Variants in ADAM7 observed in about 807,000 individuals in gnomAD.
The protein encoded by ADAM7 is ADAM metallopeptidase domain 7.
Under a neutral mutation model 102.9 loss-of-function variants are expected in ADAM7, and 97 were observed. The observed-to-expected ratio is 0.94, with a 90% CI of 0.80 to 1.12. The LOEUF is 1.12. Ranked by LOEUF, ADAM7 falls within the 50% of genes most tolerant of loss-of-function variation. ADAM7 has a pLI of 0.00. For synonymous variants in ADAM7, 334 were observed against 304.4 expected (o/e 1.10, Z -1.01); for missense variants, 991 against 908.7 (o/e 1.09, Z -1.16).
intron 17 of ADAM7, 90 bp downstream of exon 17, chr8:24,499,406 A>G: frequency 1.1e-6 from 1 of 944,730 alleles, no homozygotes; most frequent in Non-Finnish European, 1.5e-6. Flanking sequence ...ATGTATGTAT[A>G]TATGTATTTT....
In ADAM7 at chr8:24,475,779, T is replaced by C. The variant is rs527672535; in HGVS notation, c.634-654T>C. On this transcript the variant is annotated intron_variant, in intron 7 of 21. Coordinates refer to ENST00000175238, the MANE Select transcript of ADAM7 (RefSeq NM_003817.4). ...GCATTTATCCCTACAGGACACCTTA[T>C]GTTATTATTAAGTACATTTGATCAG... is the stretch of plus-strand genomic sequence containing the variant. 8 of 270,652 alleles carry C rather than the reference T, an allele frequency of 3.0e-5. No homozygotes were observed. The East Asian group carries it at 7.2e-4, about 25-fold the overall frequency. 16.8% of individuals were successfully genotyped at this position (270,652 alleles called of 1,614,324 possible).
chr8:24,484,391 A>G (rs1229551708), intron 9 of ADAM7, among the ~76,000 whole-genome samples: 3 of 152,188 alleles, frequency 2.0e-5, no homozygotes, highest in South Asian at 2.1e-4. Flanking sequence ...TCAACTCTAA[A>G]TAATATTCCT....
At chr8:24,478,408 T>C (rs1337386105) in intron 8 of ADAM7, among the ~76,000 whole-genome samples, 1 of 152,188 alleles carries the variant, frequency 6.6e-6, no homozygotes, top group Non-Finnish European at 1.5e-5. Flanking sequence ...AAGTTAGGTC[T>C]ACCCACAGTA....
At chr8:24,457,772 T>C (rs1819090439) in intron 3 of ADAM7, among the ~76,000 whole-genome samples, 2 of 152,280 alleles carry the variant, frequency 1.3e-5, no homozygotes, top group South Asian at 4.1e-4. Context: ...ATCACAAATA[T>C]ATTGTATGTT....
chr8:24,502,946 AC>A (rs1820813307), intron 20 of ADAM7, among the ~76,000 whole-genome samples: 1 of 152,130 alleles, frequency 6.6e-6, no homozygotes, highest in Non-Finnish European at 1.5e-5. Flanking sequence ...TAATACACTA[AC>A]AAATATAGGT....
At chr8:24,483,464 G>C (rs148634300) in intron 9 of ADAM7, among the ~76,000 whole-genome samples, 4 of 152,076 alleles carry the variant, frequency 2.6e-5, no homozygotes, top group African/African-American at 9.7e-5. Context: ...CAAACCCAGC[G>C]TGCTAATCTT....
intron 19 of ADAM7, among the ~76,000 whole-genome samples, chr8:24,501,254 C>T (rs1820749940): frequency 6.6e-6 from 1 of 152,100 alleles, no homozygotes; most frequent in African/African-American, 2.4e-5. Flanking sequence ...CCCATAATTT[C>T]TGATTCTTCC....
chr8:24,467,243 G>A (rs1269189150), intron 6 of ADAM7: 11 of 493,862 alleles, frequency 2.2e-5, no homozygotes, highest in Admixed American at 3.7e-5. Context: ...GGGGCTATGA[G>A]TAGTTGGAAA....
At chr8:24,449,102 G>C (rs1302850863) in intron 3 of ADAM7, among the ~76,000 whole-genome samples, 1 of 152,094 alleles carries the variant, frequency 6.6e-6, no homozygotes, top group African/African-American at 2.4e-5. Context: ...GAATAGAGCC[G>C]CAATAAACAT....
chr8:24,506,791 A>G (rs1585940801), intron 20 of ADAM7, among the ~76,000 whole-genome samples: 2 of 149,744 alleles, frequency 1.3e-5, no homozygotes, highest in East Asian at 2.0e-4. Context: ...ACACACACAC[A>G]AAATAGAACC....
intron 20 of ADAM7, among the ~76,000 whole-genome samples, chr8:24,505,081 A>G (rs1474535968): frequency 2.0e-5 from 3 of 152,194 alleles, no homozygotes. Context: ...AAATATACTT[A>G]GCACAGTGAT....
chr8:24,492,075 A>G lies in ADAM7; in HGVS notation c.1529A>G (p.Gln510Arg). ...FMGKCPTRED[Q>R]CSELFDDEAI... ...GGGAAATGTCCAACTCGTGAGGATCAGTGCTCTGAACTATTTGATGATGGT... is the reference window on the plus strand; with the variant it reads ...GGGAAATGTCCAACTCGTGAGGATCGGTGCTCTGAACTATTTGATGATGGT... The change falls in exon 14 of 22, where the codon CAG becomes CGG. Residue 510 changes from glutamine to arginine, a missense_variant. Coordinates refer to ENST00000175238, the MANE Select transcript of ADAM7 (RefSeq NM_003817.4). The G allele has an allele frequency of 1.2e-6, 2 of 1,613,546 alleles. No homozygotes were observed. The highest frequency in any genetic ancestry group is 1.7e-6 in the Non-Finnish European group (2 of 1,179,668).
In ADAM7 at chr8:24,445,602, C is replaced by A. The variant is rs114127708; in HGVS notation, c.157-1584C>A. Among the ~76,000 whole-genome samples the A allele has an allele frequency of 2.0e-3, 312 of 152,270 alleles. 3 individuals are homozygous for A. The highest frequency in any genetic ancestry group is 6.8e-3 in the African/African-American group (284 of 41,534). The stretch of plus-strand genomic sequence containing the variant: ...TCAAATCATCTGCATTCATCAACAG[C>A]CTTAAATGGTTTTCCTGGCTATAGT... On this transcript the variant is annotated intron_variant, in intron 2 of 21. Coordinates refer to ENST00000175238, the MANE Select transcript of ADAM7 (RefSeq NM_003817.4).
At chr8:24,475,841 C>A (rs1819750782) in intron 7 of ADAM7, 1 of 437,306 alleles carries the variant, frequency 2.3e-6, no homozygotes. Context: ...CCCGATAGTA[C>A]AAAAAGGGAA....
intron 12 of ADAM7, chr8:24,490,542 A>T (rs1322912265): frequency 5.7e-5 from 21 of 371,520 alleles, no homozygotes; most frequent in African/African-American, 3.1e-4. Flanking sequence ...ATAACTGAAG[A>T]TTATAAATGT....
intron 6 of ADAM7, among the ~76,000 whole-genome samples, chr8:24,467,958 G>A (rs1254812689): frequency 6.6e-6 from 1 of 152,054 alleles, no homozygotes; most frequent in East Asian, 1.9e-4. Flanking sequence ...CCAGCTACTT[G>A]GGAGGCTGAG....
intron 3 of ADAM7, among the ~76,000 whole-genome samples, chr8:24,449,113 A>G (rs554896399): frequency 6.6e-6 from 1 of 152,326 alleles, no homozygotes; most frequent in African/African-American, 2.4e-5. Context: ...CAATAAACAT[A>G]CTTGTGCCTG....
chr8:24,482,870 T>C (rs187000874), intron 9 of ADAM7, among the ~76,000 whole-genome samples: 2 of 152,318 alleles, frequency 1.3e-5, no homozygotes, highest in East Asian at 3.9e-4. Flanking sequence ...AAAATGCCAT[T>C]AGGTAAGCAA....
chr8:24,442,631 G>T (rs747446022), intron 2 of ADAM7, 55 bp downstream of exon 2: 2 of 1,384,228 alleles, frequency 1.4e-6, no homozygotes, highest in African/African-American at 1.4e-5. Context: ...CATGTAGACA[G>T]TTGTCTCTAG....
Sources: gnomAD v4.1 joint callset for allele counts (sites outside exome capture counted in the v4.1 genomes callset) on GRCh38, gnomAD v4.1.1 for gene constraint, MANE v1.5 for transcripts, NCBI Gene and HGNC (gene_info 2026-07-23, HGNC 2026-07-21) for gene names.